The following DOCK3 variants were observed in gnomAD, a reference collection of about 807,000 sequenced individuals.
DOCK3 encodes the protein dedicator of cytokinesis protein 3.
In DOCK3, 60 loss-of-function variants were observed where a neutral mutation model predicts 265.6. That is an observed-to-expected ratio of 0.23 (90% confidence interval 0.18 to 0.28). DOCK3 has a LOEUF of 0.28. DOCK3 is among the 10% of genes least tolerant of loss of function. The probability of loss-of-function intolerance (pLI) is 1.00; values close to 1 mark genes in which losing one functional copy is unlikely to be tolerated. For missense variants in DOCK3, 1,981 were observed against 2,594.3 expected (o/e 0.76, Z 5.14); for synonymous variants, 881 against 938.0 (o/e 0.94, Z 1.11).
intron 3 of DOCK3, among the ~76,000 whole-genome samples, chr3:50,849,849 C>G (rs755266559): frequency 1.3e-5 from 2 of 151,950 alleles, no homozygotes; most frequent in African/African-American, 2.4e-5. Flanking sequence ...TTTGGGAGTC[C>G]GAGGTGGTGG....
intron 5 of DOCK3, among the ~76,000 whole-genome samples, chr3:51,012,496 A>G (rs2078992555): frequency 6.6e-6 from 1 of 152,180 alleles, no homozygotes; most frequent in African/African-American, 2.4e-5. Context: ...ACCATTGGAA[A>G]AGTGCAGTAT....
chr3:51,057,145 A>G (rs559293394), intron 5 of DOCK3, among the ~76,000 whole-genome samples: 1 of 152,368 alleles, frequency 6.6e-6, no homozygotes, highest in Non-Finnish European at 1.5e-5. Flanking sequence ...TGGGTTAAAA[A>G]TAATTTAGCA....
chr3:51,180,431 C>T (rs528181292), intron 12 of DOCK3, among the ~76,000 whole-genome samples: 1 of 152,174 alleles, frequency 6.6e-6, no homozygotes, highest in Non-Finnish European at 1.5e-5. Context: ...AGCACAACTG[C>T]ACTCGCTCTG....
chr3:51,307,668 T>C (rs1376557835), intron 27 of DOCK3, among the ~76,000 whole-genome samples: 1 of 152,074 alleles, frequency 6.6e-6, no homozygotes, highest in Non-Finnish European at 1.5e-5. Flanking sequence ...AGGTGAGAGA[T>C]TAGGCCTTCT....
intron 4 of DOCK3, among the ~76,000 whole-genome samples, chr3:50,906,619 T>G (rs1235779898): frequency 6.6e-6 from 1 of 152,074 alleles, no homozygotes; most frequent in Non-Finnish European, 1.5e-5. Context: ...ATCCCCCTTA[T>G]CATTTTTTAT....
chr3:50,770,374 GAATT>G (rs2041197577), intron 1 of DOCK3, among the ~76,000 whole-genome samples: 2 of 148,162 alleles, frequency 1.3e-5, no homozygotes, highest in East Asian at 4.0e-4. Context: ...AAATAGTTAA[GAATT>G]AACCAAAAAA....
intron 9 of DOCK3, among the ~76,000 whole-genome samples, chr3:51,116,108 A>C (rs1576132021): frequency 6.6e-6 from 1 of 151,864 alleles, no homozygotes; most frequent in African/African-American, 2.4e-5. Flanking sequence ...TTTTGCTTAG[A>C]ATTGTCTTGG....
chr3:51,136,442 G>A (rs574923551), intron 9 of DOCK3, among the ~76,000 whole-genome samples: 16 of 151,968 alleles, frequency 1.1e-4, no homozygotes, highest in African/African-American at 3.9e-4. Flanking sequence ...GTTTCACCTT[G>A]TTAGCTAGTA....
At chr3:51,252,757 T>G (rs193134497) in intron 22 of DOCK3, among the ~76,000 whole-genome samples, 2 of 152,308 alleles carry the variant, frequency 1.3e-5, no homozygotes, top group Admixed American at 1.3e-4. Flanking sequence ...TTAAGTAGAT[T>G]TTGGGCTGAG....
chr3:51,239,706 T>A (rs1259264878), intron 21 of DOCK3, among the ~76,000 whole-genome samples: 1 of 152,042 alleles, frequency 6.6e-6, no homozygotes, highest in Non-Finnish European at 1.5e-5. Flanking sequence ...TCCATGAATT[T>A]ATTTATTTCT....
chr3:50,967,988 C>T (rs2077082928), intron 5 of DOCK3, among the ~76,000 whole-genome samples: 1 of 152,192 alleles, frequency 6.6e-6, no homozygotes, highest in South Asian at 2.1e-4. Context: ...TACTAATTTA[C>T]GTTCCCACTA....
rs559253385 is a variant in DOCK3 at position 51,022,419 on chromosome 3, T to C, written c.316-42029T>C. Among the ~76,000 whole-genome samples, 3 of 152,342 alleles carry C rather than the reference T, an allele frequency of 2.0e-5. No individual in the cohort carries two copies. The East Asian group carries it at 5.8e-4, about 29-fold the overall frequency. The stretch of plus-strand genomic sequence containing the variant: ...TCTTAGCACTAATTGAATTATGGCT[T>C]GATGTCTTTCTTTGACTTAAAAGAA... On this transcript the variant is annotated intron_variant, in intron 5 of 52. Transcript: ENST00000266037.
chr3:51,324,415 T>G (rs1293183763), intron 32 of DOCK3, among the ~76,000 whole-genome samples: 2 of 151,998 alleles, frequency 1.3e-5, no homozygotes, highest in African/African-American at 2.4e-5. Flanking sequence ...CTCAAGGAAA[T>G]AAGAGAGGAT....
At chr3:50,844,550 A>G (rs1013988007) in intron 3 of DOCK3, among the ~76,000 whole-genome samples, 2 of 152,118 alleles carry the variant, frequency 1.3e-5, no homozygotes, top group Non-Finnish European at 2.9e-5. Flanking sequence ...AAATGATGAA[A>G]CAGTTCTTCC....
intron 17 of DOCK3, 40 bp downstream of exon 17, chr3:51,228,128 G>A (rs370200344): frequency 1.3e-6 from 2 of 1,590,088 alleles, no homozygotes; most frequent in Non-Finnish European, 1.7e-6. Context: ...CCCCTTACCT[G>A]CCCTGAGGCC....
intron 32 of DOCK3, among the ~76,000 whole-genome samples, chr3:51,318,725 T>G (rs1047909647): frequency 1.3e-5 from 2 of 152,096 alleles, no homozygotes; most frequent in Non-Finnish European, 2.9e-5. Flanking sequence ...AGCTCCTTAA[T>G]TATATTGTTT....
chr3:51,016,833 T>C (rs1382366595), intron 5 of DOCK3, among the ~76,000 whole-genome samples: 1 of 19,340 alleles, frequency 5.2e-5, no homozygotes, highest in Non-Finnish European at 8.0e-5. Context: ...TAAATATATA[T>C]GATATATGTT....
chr3:51,016,218 T>TATATATCATATATTTCTAC lies in DOCK3; in HGVS notation c.316-48224_316-48223insCATATATTTCTACATATAT, dbSNP rs1553733037. Among the ~76,000 whole-genome samples the TATATATCATATATTTCTAC allele has an allele frequency of 2.4e-3, 4 of 1,660 alleles. 2 individuals are homozygous for TATATATCATATATTTCTAC. Among genetic ancestry groups the TATATATCATATATTTCTAC allele is most frequent in the Non-Finnish European group, 3.3e-3 (4 of 1,210 alleles). 1.1% of individuals were successfully genotyped at this position (1,660 alleles called of 152,430 possible). A position where few individuals can be genotyped will look rare whatever the true frequency, so the allele number is the denominator to read the frequency against. Reference sequence around the variant, plus strand: ...TACATATATATCATATATTTCTACATATATATATCATATATTTCTACATAT... The same window carrying TATATATCATATATTTCTAC: ...TACATATATATCATATATTTCTACATATATATCATATATTTCTACATATATATCATATATTTCTACATAT... On this transcript the variant is annotated intron_variant, in intron 5 of 52. Transcript: ENST00000266037.
At chr3:50,941,299 A>G (rs2076289265) in intron 5 of DOCK3, among the ~76,000 whole-genome samples, 1 of 152,162 alleles carries the variant, frequency 6.6e-6, no homozygotes, top group Non-Finnish European at 1.5e-5. Flanking sequence ...GCTAGCCAGT[A>G]AGCACATGAA....
Sources: allele counts gnomAD v4.1 joint callset (sites outside exome capture counted in the v4.1 genomes callset), GRCh38; gene constraint gnomAD v4.1.1; transcripts MANE v1.5; gene names NCBI Gene and HGNC (gene_info 2026-07-23, HGNC 2026-07-21).